Variants in KCNA3 observed in about 807,000 individuals in gnomAD.
KCNA3 encodes potassium voltage-gated channel subfamily A member 3.
In KCNA3, 18 loss-of-function variants were observed where a neutral mutation model predicts 34.3. That is an observed-to-expected ratio of 0.52 (90% CI 0.36 to 0.78). The LOEUF is 0.78. KCNA3 is among the 30% of genes least tolerant of loss of function. KCNA3 has a pLI of 0.00. For synonymous variants in KCNA3, 324 were observed against 351.7 expected, an observed-to-expected ratio of 0.92 and a Z score of 0.88; for missense variants, 587 against 802.5, an observed-to-expected ratio of 0.73 and a Z score of 3.24.
At position 110,673,007 on chromosome 1, in the gene KCNA3, A is replaced by G. The variant is rs1651942933; in HGVS notation, c.*75T>C. Reference sequence around the variant, plus strand: ...CTTGATGAATGGTCTGGAAATGTATAAAACAAGGGCATAGGCAGACCAAGG... The same window carrying G: ...CTTGATGAATGGTCTGGAAATGTATGAAACAAGGGCATAGGCAGACCAAGG... On this transcript the variant is annotated 3_prime_UTR_variant, in exon 1 of 1. Coordinates refer to ENST00000369769, the MANE Select transcript of KCNA3 (RefSeq NM_002232.5). This position sits in a 1 kb window ranked among gnomAD's most constrained non-coding sequence, Gnocchi z 8.8. 7.2e-6 allele frequency: 10 copies of G among 1,386,782 alleles called. No homozygotes were observed. The highest frequency in any genetic ancestry group is 2.2e-4 in the Middle Eastern group (1 of 4,532). 85.9% of individuals were successfully genotyped at this position (1,386,782 alleles called of 1,614,324 possible). A position where few individuals can be genotyped will look rare whatever the true frequency, so the allele number is the denominator to read the frequency against.
the KCNA3 span, among the ~76,000 whole-genome samples, chr1:110,658,179 T>C: frequency 2.0e-5 from 3 of 152,328 alleles, no homozygotes; most frequent in South Asian, 4.1e-4. Flanking sequence ...TATCTATCTG[T>C]TTCGCTGCAG....
the KCNA3 span, chr1:110,654,657 G>C: frequency 6.6e-6 from 1 of 152,130 alleles, no homozygotes; most frequent in Admixed American, 6.5e-5. Context: ...GGAGGTATCT[G>C]AAAAGGTCTG....
the KCNA3 span, among the ~76,000 whole-genome samples, chr1:110,659,132 T>C: frequency 1.3e-5 from 2 of 151,298 alleles, no homozygotes; most frequent in East Asian, 3.9e-4. Context: ...ACATGGAATA[T>C]AACACGACTA....
the KCNA3 span, chr1:110,656,872 G>T: frequency 1.3e-5 from 2 of 152,056 alleles, no homozygotes; most frequent in Non-Finnish European, 2.9e-5. Flanking sequence ...TCTGCAGACT[G>T]ATTTTTCTAC....
rs1238509684 is a variant in KCNA3, at chr1:110,674,026, C to T, written c.784G>A (p.Glu262Lys). 2 of 1,609,558 alleles carry T rather than the reference C, an allele frequency of 1.2e-6. No homozygotes were observed. Among genetic ancestry groups the T allele is most frequent in the Non-Finnish European group, 1.7e-6 (2 of 1,177,170 alleles). Residue 262 changes from glutamate to lysine, a missense_variant, in exon 1 of 1, where the codon GAG becomes AAG. This residue lies in a region of KCNA3 where 50 missense variants were observed against 45.3 expected (regional missense o/e 1.10). Coordinates refer to ENST00000369769, the MANE Select transcript of KCNA3 (RefSeq NM_002232.5). The surrounding 1 kb of genome is among the most constrained non-coding windows in gnomAD (Gnocchi z 6.4). ...CLETLPEFRD[E>K]KDYPASTSQD... is the part of the protein sequence containing the mutation. ...GACGTCGAGGCGGGGTAGTCCTTCTCGTCGCGGAACTCCGGCAGCGTCTCC... is the reference window on the plus strand; with the variant it reads ...GACGTCGAGGCGGGGTAGTCCTTCTTGTCGCGGAACTCCGGCAGCGTCTCC...
chr1:110,663,583 C>T, the KCNA3 span, among the ~76,000 whole-genome samples: 4 of 152,274 alleles, frequency 2.6e-5, no homozygotes, highest in Middle Eastern at 3.4e-3. Context: ...TTAGGAGAAG[C>T]CTCATTTCCT....
chr1:110,656,291 C>A, the KCNA3 span: 1 of 151,928 alleles, frequency 6.6e-6, no homozygotes, highest in East Asian at 1.9e-4. Flanking sequence ...TAATTTAAAG[C>A]CAAGGTCAAA....
At chr1:110,658,101 C>T in the KCNA3 span, among the ~76,000 whole-genome samples, 1 of 152,158 alleles carries the variant, frequency 6.6e-6, no homozygotes, top group East Asian at 1.9e-4. Flanking sequence ...AAGAAATTAC[C>T]AGCAGATTGT....
chr1:110,660,961 T>A, the KCNA3 span, among the ~76,000 whole-genome samples: 1 of 152,230 alleles, frequency 6.6e-6, no homozygotes, highest in South Asian at 2.1e-4. Context: ...TAAATACATG[T>A]TGAATACATA....
chr1:110,669,211 A>C (rs369176876), downstream of KCNA3, among the ~76,000 whole-genome samples: 18 of 152,298 alleles, frequency 1.2e-4, 1 homozygote, highest in South Asian at 3.7e-3. Context: ...TTCTTCAGTA[A>C]ATGAAGCAAA....
the KCNA3 span, among the ~76,000 whole-genome samples, chr1:110,665,217 T>G: frequency 1.3e-5 from 2 of 152,098 alleles, no homozygotes; most frequent in Non-Finnish European, 2.9e-5. Flanking sequence ...GAGAATAGAC[T>G]CAAATAAGAG....
At position 110,674,640 on chromosome 1, in the gene KCNA3, G is replaced by A. The variant is rs554420565; in HGVS notation, c.170C>T (p.Pro57Leu). Residue 57 changes from proline (P) to leucine (L), a missense_variant, in exon 1 of 1, where the codon CCC becomes CTC. Around this residue, in one of 7 missense-constraint regions of KCNA3, gnomAD observed 341 missense variants for 355.4 expected, o/e 0.96. Coordinates refer to ENST00000369769, the MANE Select transcript of KCNA3 (RefSeq NM_002232.5). This position sits in a 1 kb window ranked among gnomAD's most constrained non-coding sequence, Gnocchi z 6.4. ...RELPPDMTVV[P>L]GDHLLEPEVA... ...CTCCGGCTCCAGCAGGTGGTCCCCG[G>A]GCACCACGGTCATGTCGGGCGGCAG... The A allele has an allele frequency of 5.1e-5, 79 of 1,546,548 alleles. No individual in the cohort carries two copies. In the African/African-American group the frequency reaches 7.4e-4, roughly 15 times the overall value.
chr1:110,655,009 TA>T, the KCNA3 span: 18 of 152,072 alleles, frequency 1.2e-4, no homozygotes, highest in Non-Finnish European at 2.5e-4. Context: ...CTAGACTCTA[TA>T]AAAAAATTGA....
chr1:110,674,344 A>G lies in KCNA3; in HGVS notation c.466T>C (p.Phe156Leu). 1 of 1,614,180 alleles carries G rather than the reference A, an allele frequency of 6.2e-7. No homozygotes were observed. Among genetic ancestry groups the G allele is most frequent in the Non-Finnish European group, 8.5e-7 (1 of 1,180,018 alleles). The change falls in exon 1 of 1, where the codon TTC (phenylalanine) becomes CTC (leucine). Residue 156 changes from phenylalanine to leucine, a missense_variant. By Grantham distance (22) the Phe-to-Leu change is conservative. This residue lies in a region of KCNA3 where 341 missense variants were observed against 355.4 expected (regional missense o/e 0.96). Transcript: ENST00000369769. This position sits in a 1 kb window ranked among gnomAD's most constrained non-coding sequence, Gnocchi z 6.4. ...TGATAGTAGTAGAGGATGGCGTCGA[A>G]GCTGGGCCGGTTGCGGTCGAAGAAG... Reference protein sequence around the residue: ...EYFFDRNRPSFDAILYYYQSG... With the variant: ...EYFFDRNRPSLDAILYYYQSG...
In KCNA3 at chr1:110,674,457, T is replaced by C; in HGVS notation, c.353A>G (p.Gln118Arg). The C allele has an allele frequency of 6.2e-7, 1 of 1,613,972 alleles. No individual in the cohort carries two copies. Among genetic ancestry groups the C allele is most frequent in the Non-Finnish European group, 8.5e-7 (1 of 1,179,960 alleles). Reference protein sequence around the residue: ...INISGLRFETQLKTLCQFPET... With the variant: ...INISGLRFETRLKTLCQFPET... Reference sequence around the variant, plus strand: ...GGGGAACTGGCAAAGGGTCTTCAGCTGCGTCTCGAAGCGCAGCCCGGAGAT... The same window carrying C: ...GGGGAACTGGCAAAGGGTCTTCAGCCGCGTCTCGAAGCGCAGCCCGGAGAT... Residue 118 changes from glutamine (Q) to arginine (R), a missense_variant, in exon 1 of 1, where the codon CAG becomes CGG. By Grantham distance (43) the Gln-to-Arg change is conservative. Transcript: ENST00000369769. This position sits in a 1 kb window ranked among gnomAD's most constrained non-coding sequence, Gnocchi z 6.4.
At chr1:110,671,397 A>G (rs1306307146), downstream of KCNA3, among the ~76,000 whole-genome samples, 1 of 152,266 alleles carries the variant, frequency 6.6e-6, no homozygotes, top group Non-Finnish European at 1.5e-5. Context: ...GGCAAATACC[A>G]TCAGTCTATA....
chr1:110,674,129 G>A lies in KCNA3; in HGVS notation c.681C>T (p.Pro227=). 2 of 1,612,362 alleles carry A rather than the reference G, an allele frequency of 1.2e-6. No individual in the cohort carries two copies. Among genetic ancestry groups the A allele is most frequent in the East Asian group, 2.2e-5 (1 of 44,826 alleles). ...TGCCCCGGGCCGGCCCGGAGCTCTC[G>A]GGGTACTCGAAGAGCAGCCACACCT... ...QRQVWLLFEY[P]ESSGPARGIA... is the part of the protein sequence containing the mutation. The change falls in exon 1 of 1, where the codon CCC becomes CCT. Residue 227 remains proline, a synonymous_variant. Coordinates refer to ENST00000369769, the MANE Select transcript of KCNA3 (RefSeq NM_002232.5). The surrounding 1 kb of genome is among the most constrained non-coding windows in gnomAD (Gnocchi z 6.4).
chr1:110,674,696 G>C lies in KCNA3; in HGVS notation c.114C>G (p.His38Gln). 4 of 1,498,220 alleles carry C rather than the reference G, an allele frequency of 2.7e-6. No homozygotes were observed. The highest frequency in any genetic ancestry group is 2.7e-5 in the East Asian group (1 of 36,666). 92.8% of individuals were successfully genotyped at this position (1,498,220 alleles called of 1,614,324 possible). A position where few individuals can be genotyped will look rare whatever the true frequency, so the allele number is the denominator to read the frequency against. The change falls in exon 1 of 1, where the codon CAC becomes CAG. Residue 38 changes from histidine (H) to glutamine (Q), a missense_variant. Coordinates refer to ENST00000369769, the MANE Select transcript of KCNA3 (RefSeq NM_002232.5). This position sits in a 1 kb window ranked among gnomAD's most constrained non-coding sequence, Gnocchi z 6.4. ...SSGGAHTLVN[H>Q]GYAEPAAGRE... Reference sequence around the variant, plus strand: ...GGCCTGCGGCGGGCTCCGCGTAGCCGTGGTTCACCAGCGTGTGGGCACCGC... The same window carrying C: ...GGCCTGCGGCGGGCTCCGCGTAGCCCTGGTTCACCAGCGTGTGGGCACCGC...
At chr1:110,661,648 T>C in the KCNA3 span, among the ~76,000 whole-genome samples, 4 of 152,166 alleles carry the variant, frequency 2.6e-5, no homozygotes, top group South Asian at 2.1e-4. Context: ...ATTCTTTTTA[T>C]ATAAAACGGT....
Sources: gnomAD v4.1 joint callset for allele counts (sites outside exome capture counted in the v4.1 genomes callset) on GRCh38, gnomAD v4.1.1 for gene constraint, gnomAD v4.1.1 regional missense constraint, Gnocchi (gnomAD v3.1) non-coding constraint, MANE v1.5 for transcripts, NCBI Gene and HGNC (gene_info 2026-07-23, HGNC 2026-07-21) for gene names.